MYH16: variants seen among roughly 807,000 people sequenced by gnomAD.
MYH16 encodes myosin heavy chain 16.
rs1434989570 is a variant in MYH16 at position 99,276,893 on chromosome 7, GAGAGAGACAGAGATA to G, written n.2486-631_2486-617del. Among the ~76,000 whole-genome samples the G allele has an allele frequency of 3.9e-5, 6 of 152,168 alleles. No homozygotes were observed. In the South Asian group the frequency reaches 1.0e-3, roughly 26 times the overall value. On this transcript the variant is annotated intron_variant and non_coding_transcript_variant, in intron 20 of 41. Coordinates refer to ENST00000439784, the Ensembl canonical transcript of MYH16. The stretch of plus-strand genomic sequence containing the variant: ...ACAGCACAACAGAGAGACAGGCAGA[GAGAGAGACAGAGATA>G]AGAGAGACAGAGATGAGACAGAGAA...
At chr7:99,310,667 T>C (rs1200838495), downstream of MYH16, 3 of 152,204 alleles carry the variant, frequency 2.0e-5, no homozygotes, top group East Asian at 5.8e-4. Context: ...AGCAAAGATG[T>C]CAGAGCTCCC....
chr7:99,295,367 ACT>A (rs1160593268), intron 33 of MYH16, among the ~76,000 whole-genome samples: 6 of 149,714 alleles, frequency 4.0e-5, no homozygotes, highest in African/African-American at 1.3e-4. Context: ...ACAGAGCGAG[ACT>A]CTGGCTCCAA....
At chr7:99,299,443 G>A (rs991888623) in intron 36 of MYH16, 23 bp from the exon 18 acceptor site, 3 of 152,566 alleles carry the variant, frequency 2.0e-5, no homozygotes, top group Non-Finnish European at 2.9e-5. Flanking sequence ...GTATGCCAAG[G>A]TCTTCTCTGC....
intron 11 of MYH16, among the ~76,000 whole-genome samples, chr7:99,258,775 T>G (rs1791902896): frequency 6.6e-6 from 1 of 151,410 alleles, no homozygotes; most frequent in Non-Finnish European, 1.5e-5. Flanking sequence ...AAATCGGGTT[T>G]GGTTTTAAGA....
At chr7:99,276,309 C>T (rs965796909) in intron 20 of MYH16, among the ~76,000 whole-genome samples, 2 of 152,240 alleles carry the variant, frequency 1.3e-5, no homozygotes, top group Non-Finnish European at 2.9e-5. Flanking sequence ...TCCCTCCTCC[C>T]AAATCCATGT....
At chr7:99,260,688 T>G (rs1261339324) in intron 12 of MYH16, 2 of 193,574 alleles carry the variant, frequency 1.0e-5, no homozygotes, top group African/African-American at 4.7e-5. Context: ...AACCTGTGAG[T>G]GGCAGAGTCA....
exon 36 of MYH16, chr7:99,297,990 T>A: frequency 2.2e-6 from 1 of 456,714 alleles, no homozygotes; most frequent in South Asian, 1.5e-5. Context: ...AATTTGAGGC[T>A]ACCAGGTATG....
At chr7:99,243,936 T>C (rs1325502218) in intron 2 of MYH16, among the ~76,000 whole-genome samples, 1 of 151,694 alleles carries the variant, frequency 6.6e-6, no homozygotes, top group East Asian at 1.9e-4. Context: ...TATCTATCCA[T>C]CCATCCAAAC....
At chr7:99,261,963 A>G (rs1401429308) in intron 13 of MYH16, 1 of 152,244 alleles carries the variant, frequency 6.6e-6, no homozygotes, top group Non-Finnish European at 1.5e-5. Context: ...AAAGAACAAA[A>G]AAGAACAAAC....
intron 18 of MYH16, among the ~76,000 whole-genome samples, chr7:99,267,125 T>C (rs985448254): frequency 2.0e-5 from 3 of 152,094 alleles, no homozygotes; most frequent in African/African-American, 7.2e-5. Flanking sequence ...TCCTGAAAAA[T>C]CAAGATTGGT....
chr7:99,275,902 A>G (rs1004955283), intron 20 of MYH16, among the ~76,000 whole-genome samples: 3 of 152,052 alleles, frequency 2.0e-5, no homozygotes, highest in Non-Finnish European at 4.4e-5. Flanking sequence ...AATTTTTTGT[A>G]TTTTTAGTAG....
intron 1 of MYH16, among the ~76,000 whole-genome samples, chr7:99,242,887 C>T (rs1476039886): frequency 2.0e-5 from 3 of 152,186 alleles, no homozygotes; most frequent in African/African-American, 7.2e-5. Flanking sequence ...GCAAAGTGTC[C>T]ATGGGATCAA....
chr7:99,240,497 G>A (rs1299862020), intron 1 of MYH16, among the ~76,000 whole-genome samples: 5 of 152,168 alleles, frequency 3.3e-5, no homozygotes, highest in African/African-American at 7.2e-5. Context: ...AGAGCAATGT[G>A]TGTTCAGCAA....
At chr7:99,275,323 C>T (rs987713456) in intron 20 of MYH16, among the ~76,000 whole-genome samples, 13 of 152,134 alleles carry the variant, frequency 8.5e-5, no homozygotes, top group Middle Eastern at 3.4e-3. Context: ...GTAGAGACAG[C>T]GTCTTGCTAC....
chr7:99,294,368 T>C (rs996315505), intron 33 of MYH16, among the ~76,000 whole-genome samples: 22 of 151,502 alleles, frequency 1.5e-4, no homozygotes, highest in Admixed American at 7.2e-4. Flanking sequence ...CAAGCTACTG[T>C]TTAAACAGGG....
chr7:99,261,731 C>T (rs77866519), intron 13 of MYH16: 8,391 of 152,608 alleles, frequency 0.055, 300 homozygotes, highest in East Asian at 0.17. Context: ...CCTCCAGAGA[C>T]GTCCCGCTTC....
intron 23 of MYH16, 102 bp from the exon 6 acceptor site, chr7:99,283,463 A>T: frequency 2.4e-6 from 1 of 420,952 alleles, no homozygotes; most frequent in Non-Finnish European, 4.8e-6. Flanking sequence ...AACTCCCCAA[A>T]GCCTGGGAGC....
chr7:99,311,029 G>A (rs900487690), downstream of MYH16: 2 of 152,158 alleles, frequency 1.3e-5, no homozygotes, highest in African/African-American at 2.4e-5. Context: ...GACGGAATAT[G>A]TAATGTCTGT....
chr7:99,247,143 T>C (rs1397520443), intron 2 of MYH16, among the ~76,000 whole-genome samples: 1 of 152,154 alleles, frequency 6.6e-6, no homozygotes, highest in Non-Finnish European at 1.5e-5. Flanking sequence ...CAGATAGTCA[T>C]AAGATTTTGC....
Sources: allele counts gnomAD v4.1 joint callset (sites outside exome capture counted in the v4.1 genomes callset), GRCh38; gene constraint gnomAD v4.1.1; transcripts MANE v1.5; gene names NCBI Gene and HGNC (gene_info 2026-07-23, HGNC 2026-07-21).